The following P4HA1 variants were observed in gnomAD, a reference collection of about 807,000 sequenced individuals.
The protein encoded by P4HA1 is prolyl 4-hydroxylase subunit alpha 1.
Under a neutral mutation model 72.8 loss-of-function variants are expected in P4HA1, and 24 were observed. The observed-to-expected ratio is 0.33, with a 90% CI of 0.24 to 0.46. The LOEUF is 0.46. Ranked by LOEUF, P4HA1 falls within the 20% of genes least tolerant of loss-of-function variation. The pLI, the probability that P4HA1 is intolerant of heterozygous loss-of-function variation, is 1.00. For synonymous variants in P4HA1, 201 were observed against 218.8 expected (o/e 0.92, Z 0.72); for missense variants, 446 against 640.6 (o/e 0.70, Z 3.28).
chr10:73,025,386 T>A (rs1357409909), intron 10 of P4HA1, among the ~76,000 whole-genome samples: 2 of 152,186 alleles, frequency 1.3e-5, no homozygotes, highest in Non-Finnish European at 2.9e-5. Context: ...TCTCAATAGA[T>A]GCAGAAAAGG....
At chr10:73,009,649 A>C (rs1296023715) in intron 14 of P4HA1, 158 bp downstream of exon 14, 1 of 505,418 alleles carries the variant, frequency 2.0e-6, no homozygotes, top group African/African-American at 1.9e-5. Context: ...TCTGATTTCA[A>C]ATTTGTATTA....
intron 4 of P4HA1, among the ~76,000 whole-genome samples, chr10:73,069,867 G>A (rs955385989): frequency 6.6e-6 from 1 of 150,636 alleles, no homozygotes; most frequent in Non-Finnish European, 1.5e-5. Context: ...AGCAGTGGCA[G>A]TGGCATGATC....
chr10:73,068,944 G>GA lies in P4HA1; in HGVS notation c.364_365insT (p.Pro122LeufsTer2). ...TGCCCCAACCTGATCTTCATCATTA[G>GA]GAAAGTACTGTCTCTGAATGGTTAG... On this transcript the variant is annotated frameshift_variant, in exon 5 of 15. Transcript: ENST00000394890. LOFTEE classifies it high-confidence loss of function. 6.2e-7 allele frequency: 1 copy of GA among 1,612,586 alleles called. No individual in the cohort carries two copies. The highest frequency in any genetic ancestry group is 8.5e-7 in the Non-Finnish European group (1 of 1,178,814).
intron 5 of P4HA1, among the ~76,000 whole-genome samples, chr10:73,060,948 T>C (rs1272361281): frequency 6.6e-6 from 1 of 152,150 alleles, no homozygotes; most frequent in African/African-American, 2.4e-5. Flanking sequence ...CTTTCCTATA[T>C]ATAGTTCAGG....
chr10:73,090,632 A>G (rs1260895086), intron 1 of P4HA1, among the ~76,000 whole-genome samples: 1 of 151,100 alleles, frequency 6.6e-6, no homozygotes, highest in East Asian at 1.9e-4. Context: ...ATCAAAGATT[A>G]GTGTTTTACT....
At chr10:73,022,567 A>C (rs1840161962) in intron 10 of P4HA1, among the ~76,000 whole-genome samples, 1 of 152,206 alleles carries the variant, frequency 6.6e-6, no homozygotes, top group African/African-American at 2.4e-5. Context: ...TGAAACTTCT[A>C]AAGATCAGAG....
At chr10:73,031,133 A>G (rs2133063720) in intron 9 of P4HA1, among the ~76,000 whole-genome samples, 1 of 152,356 alleles carries the variant, frequency 6.6e-6, no homozygotes, top group Non-Finnish European at 1.5e-5. Context: ...CAATTTATCA[A>G]TGGATACATA....
At chr10:73,048,169 T>C (rs1840920434) in intron 7 of P4HA1, among the ~76,000 whole-genome samples, 1 of 152,234 alleles carries the variant, frequency 6.6e-6, no homozygotes, top group Non-Finnish European at 1.5e-5. Flanking sequence ...TTATTCTCCA[T>C]GCACTTTACC....
At position 73,072,160 on chromosome 10, in the gene P4HA1, C is replaced by T. The variant is rs199663298; in HGVS notation, c.194G>A (p.Arg65Gln). Reference protein sequence around the residue: ...QIKKWAEKLDRLTSTATKDPE... With the variant: ...QIKKWAEKLDQLTSTATKDPE... ...ATCTTTTGTCGCTGTACTAGTTAGC[C>T]GATCTAACTTCTCTGCCCATCTACA... The change falls in exon 4 of 15, where the codon CGG becomes CAG. Residue 65 changes from arginine to glutamine, a missense_variant. Transcript: ENST00000394890. The T allele has an allele frequency of 7.3e-5, 118 of 1,611,572 alleles. No individual in the cohort carries two copies. In the South Asian group the frequency reaches 1.2e-3, roughly 16 times the overall value.
intron 10 of P4HA1, among the ~76,000 whole-genome samples, chr10:73,022,480 C>T (rs866771195): frequency 1.3e-5 from 2 of 152,122 alleles, no homozygotes; most frequent in Admixed American, 1.3e-4. Context: ...CACCAAAACC[C>T]CATCTGTAGG....
Position 73,008,210 on chromosome 10 carries a change from G to A in P4HA1, c.*12C>T, listed in dbSNP as rs763700321. On this transcript the variant is annotated 3_prime_UTR_variant, in exon 15 of 15. Coordinates refer to ENST00000394890, the MANE Select transcript of P4HA1 (RefSeq NM_001017962.3). ...AGAGTACAACAATAGGAGAAAAAGG[G>A]AAGCCTGTTTGTCATTCCAATTCTG... The A allele has an allele frequency of 5.7e-6, 9 of 1,568,058 alleles. No homozygotes were observed. The highest frequency in any genetic ancestry group is 2.2e-5 in the South Asian group (2 of 89,896).
chr10:73,021,053 T>C (rs1214272229), intron 10 of P4HA1, among the ~76,000 whole-genome samples: 4 of 152,134 alleles, frequency 2.6e-5, no homozygotes, highest in African/African-American at 9.7e-5. Flanking sequence ...GAGAACTGCA[T>C]TAACCCAGGA....
At chr10:73,090,846 C>A (rs7077346) in intron 1 of P4HA1, among the ~76,000 whole-genome samples, 23,630 of 151,620 alleles carry the variant, frequency 0.16, 3,027 homozygotes, top group African/African-American at 0.33. Flanking sequence ...GGATCACCCC[C>A]GGTCAGGAGT....
chr10:73,047,160 A>C (rs1258309425), intron 7 of P4HA1, 59 bp from the exon 8 acceptor site: 3 of 1,165,306 alleles, frequency 2.6e-6, no homozygotes, highest in Non-Finnish European at 3.8e-6. Context: ...TTTAATATCT[A>C]TTCCTATGCA....
Position 73,047,117 on chromosome 10 carries a change from A to C in P4HA1, c.901-16T>G. 1 of 1,560,018 alleles carries C rather than the reference A, an allele frequency of 6.4e-7. No homozygotes were observed. Among genetic ancestry groups the C allele is most frequent in the Non-Finnish European group, 8.8e-7 (1 of 1,132,058 alleles). On this transcript the variant is annotated splice_polypyrimidine_tract_variant and intron_variant, in intron 7 of 14. Coordinates refer to ENST00000394890, the MANE Select transcript of P4HA1 (RefSeq NM_001017962.3). ...TCCGAGGGGTCTAAACATAAAGTTA[A>C]GAATATGATGAATATATTACAGTAA...
At chr10:73,042,915 T>C (rs1223882660) in intron 9 of P4HA1, among the ~76,000 whole-genome samples, 1 of 152,220 alleles carries the variant, frequency 6.6e-6, no homozygotes. Flanking sequence ...AATAGTGCTA[T>C]TGATAAGGTT....
In P4HA1 at chr10:73,069,002, A is replaced by G; in HGVS notation, c.326-19T>C. ...ATAAAGCCTTGAAATAGATAAATCA[A>G]AGAAAAAAAAACTGTAGAACCTCAT... On this transcript the variant is annotated intron_variant, in intron 4 of 14. Transcript: ENST00000394890. 2 of 1,581,168 alleles carry G rather than the reference A, an allele frequency of 1.3e-6. No individual in the cohort carries two copies. Among genetic ancestry groups the G allele is most frequent in the Non-Finnish European group, 1.7e-6 (2 of 1,159,302 alleles).
intron 11 of P4HA1, among the ~76,000 whole-genome samples, chr10:73,016,055 T>C (rs1029832287): frequency 3.3e-5 from 5 of 152,210 alleles, no homozygotes; most frequent in Non-Finnish European, 7.3e-5. Flanking sequence ...AAGTAGGCCC[T>C]GACTTTGGGC....
At chr10:73,015,423 G>A (rs1402907168) in intron 11 of P4HA1, among the ~76,000 whole-genome samples, 2 of 152,144 alleles carry the variant, frequency 1.3e-5, no homozygotes, top group Non-Finnish European at 2.9e-5. Flanking sequence ...AATGCAAAAT[G>A]CTCTGAAGTT....
Sources: gnomAD v4.1 joint callset for allele counts (sites outside exome capture counted in the v4.1 genomes callset) on GRCh38, gnomAD v4.1.1 for gene constraint, MANE v1.5 for transcripts, NCBI Gene and HGNC (gene_info 2026-07-23, HGNC 2026-07-21) for gene names.